The following ADGRV1 variants were observed in gnomAD, a reference collection of about 807,000 sequenced individuals.
ADGRV1 encodes the protein G-protein coupled receptor 98.
Under a neutral mutation model 596.2 loss-of-function variants are expected in ADGRV1, and 359 were observed. That is an observed-to-expected ratio of 0.60 (90% CI 0.55 to 0.66). The LOEUF (loss-of-function observed/expected upper bound fraction) is 0.66. Ranked by LOEUF, ADGRV1 falls within the 30% of genes least tolerant of loss-of-function variation. The pLI is 0.00. For synonymous variants in ADGRV1, 2,681 were observed against 2,679.2 expected (o/e 1.00, Z -0.02); for missense variants, 7,274 against 7,575.6 (o/e 0.96, Z 1.48).
intron 53 of ADGRV1, among the ~76,000 whole-genome samples, chr5:90,751,211 C>T (rs1165544657): frequency 6.6e-6 from 1 of 152,036 alleles, no homozygotes; most frequent in Non-Finnish European, 1.5e-5. Flanking sequence ...TGAGGATGTG[C>T]AGAGGGAGAA....
At chr5:90,952,154 A>G (rs1294136405) in intron 83 of ADGRV1, among the ~76,000 whole-genome samples, 3 of 152,174 alleles carry the variant, frequency 2.0e-5, no homozygotes, top group South Asian at 2.1e-4. Context: ...TCTTTTTAGT[A>G]CTGGTTGTCA....
At chr5:90,899,972 CTTA>C (rs1270417996) in intron 83 of ADGRV1, among the ~76,000 whole-genome samples, 1 of 152,154 alleles carries the variant, frequency 6.6e-6, no homozygotes, top group Non-Finnish European at 1.5e-5. Context: ...AGAAATAATT[CTTA>C]TTATAGATTT....
At chr5:91,031,250 G>C (rs1784458097) in intron 85 of ADGRV1, 8 of 1,588,448 alleles carry the variant, frequency 5.0e-6, no homozygotes, top group Middle Eastern at 1.7e-4. Context: ...TCAGGTTGCT[G>C]TTGAATGTGT....
intron 21 of ADGRV1, among the ~76,000 whole-genome samples, chr5:90,667,631 C>T (rs975087295): frequency 4.9e-4 from 75 of 151,658 alleles, no homozygotes; most frequent in Admixed American, 9.8e-4. Context: ...ATTCTCCATC[C>T]AGCTTTGTTC....
At chr5:90,976,322 G>GTATATATATATATATA (rs70973719) in intron 84 of ADGRV1, among the ~76,000 whole-genome samples, 70 of 108,606 alleles carry the variant, frequency 6.4e-4, no homozygotes, top group African/African-American at 2.5e-3. Flanking sequence ...GTGTGTGTGT[G>GTATATATATATATATA]TATATATATA....
chr5:90,662,825 T>C (rs868149614), intron 21 of ADGRV1, among the ~76,000 whole-genome samples: 2 of 152,024 alleles, frequency 1.3e-5, no homozygotes, highest in Non-Finnish European at 2.9e-5. Context: ...TATGATCTCA[T>C]TGTTCAGTTC....
intron 83 of ADGRV1, among the ~76,000 whole-genome samples, chr5:90,930,946 T>C (rs1302593003): frequency 6.6e-6 from 1 of 152,208 alleles, no homozygotes; most frequent in Admixed American, 6.5e-5. Context: ...TATTTTAGTA[T>C]GTTGCATCAG....
In ADGRV1 at chr5:90,592,881, A is replaced by G. The variant is rs144299662; in HGVS notation, c.23-21954A>G. Reference sequence around the variant, plus strand: ...ATCACTGGTCATCAGAGAAATGCAAATCAAAACCAGAATGAGATACCATCT... The same window carrying G: ...ATCACTGGTCATCAGAGAAATGCAAGTCAAAACCAGAATGAGATACCATCT... On this transcript the variant is annotated intron_variant, in intron 1 of 89. Transcript: ENST00000405460. 2.2e-3 allele frequency among the ~76,000 whole-genome samples: 333 copies of G among 152,358 alleles called. 11 individuals are homozygous for G. The East Asian group carries it at 0.05, about 23-fold the overall frequency.
chr5:91,130,062 A>T (rs1449711465), intron 87 of ADGRV1, among the ~76,000 whole-genome samples: 1 of 152,178 alleles, frequency 6.6e-6, no homozygotes, highest in African/African-American at 2.4e-5. Context: ...CAGAAGTTGG[A>T]ACTACAGATA....
chr5:90,589,510 A>G (rs1392347723), intron 1 of ADGRV1, among the ~76,000 whole-genome samples: 1 of 152,230 alleles, frequency 6.6e-6, no homozygotes, highest in Non-Finnish European at 1.5e-5. Context: ...AATGGTAAAA[A>G]TACAATAGAT....
chr5:90,969,472 C>A (rs369129703), intron 84 of ADGRV1, among the ~76,000 whole-genome samples: 1 of 152,218 alleles, frequency 6.6e-6, no homozygotes, highest in Non-Finnish European at 1.5e-5. Context: ...ACCTTTAACT[C>A]CTTATTAAAG....
intron 85 of ADGRV1, among the ~76,000 whole-genome samples, chr5:91,032,030 C>T (rs1374711407): frequency 6.6e-6 from 1 of 152,116 alleles, no homozygotes; most frequent in Non-Finnish European, 1.5e-5. Context: ...GAGCAGCATG[C>T]GGGCTGCAAT....
chr5:90,561,174 C>T (rs148578783), intron 1 of ADGRV1, among the ~76,000 whole-genome samples: 2 of 152,024 alleles, frequency 1.3e-5, no homozygotes, highest in South Asian at 4.2e-4. Flanking sequence ...GAGATCTATG[C>T]CCTGGGAGGA....
At chr5:90,800,008 A>C (rs942613906) in intron 70 of ADGRV1, among the ~76,000 whole-genome samples, 2 of 152,228 alleles carry the variant, frequency 1.3e-5, no homozygotes, top group Admixed American at 1.3e-4. Flanking sequence ...CATTTAGGAC[A>C]TAGGTATGGG....
At chr5:91,158,131 AT>A (rs1167604197) in intron 89 of ADGRV1, among the ~76,000 whole-genome samples, 2 of 152,342 alleles carry the variant, frequency 1.3e-5, no homozygotes, top group African/African-American at 4.8e-5. Flanking sequence ...TCTACCATGT[AT>A]CTGATAATTT....
chr5:90,693,864 CTT>C (rs768825731), intron 32 of ADGRV1, 24 bp from the exon 33 acceptor site: 1 of 1,496,126 alleles, frequency 6.7e-7, no homozygotes, highest in Admixed American at 2.3e-5. Context: ...CTTAACCTGT[CTT>C]TTAATTGTCA....
chr5:90,563,968 G>A (rs1755204990), intron 1 of ADGRV1, among the ~76,000 whole-genome samples: 1 of 152,156 alleles, frequency 6.6e-6, no homozygotes, highest in Admixed American at 6.5e-5. Context: ...TCCATGTCAT[G>A]GACCAGCAAT....
chr5:90,925,549 T>G (rs1247110986), intron 83 of ADGRV1, among the ~76,000 whole-genome samples: 2 of 152,144 alleles, frequency 1.3e-5, no homozygotes, highest in African/African-American at 4.8e-5. Flanking sequence ...AGTGGGGTTT[T>G]CTAGATATAC....
At chr5:90,588,327 A>C (rs1759044316) in intron 1 of ADGRV1, among the ~76,000 whole-genome samples, 1 of 152,230 alleles carries the variant, frequency 6.6e-6, no homozygotes, top group Non-Finnish European at 1.5e-5. Context: ...ATTCATATAA[A>C]TGTGTTATAT....
Sources: gnomAD v4.1 joint callset for allele counts (sites outside exome capture counted in the v4.1 genomes callset) on GRCh38, gnomAD v4.1.1 for gene constraint, MANE v1.5 for transcripts, NCBI Gene and HGNC (gene_info 2026-07-23, HGNC 2026-07-21) for gene names.